Variants in GLP2R observed in about 807,000 individuals in gnomAD.
GLP2R encodes glucagon-like peptide 2 receptor.
Under a neutral mutation model 68.2 loss-of-function variants are expected in GLP2R, and 59 were observed. That is an observed-to-expected ratio of 0.87 (90% CI 0.70 to 1.07). GLP2R has a LOEUF of 1.07. Among genes scored for constraint, GLP2R ranks in the 50% least tolerant of loss-of-function variants. The pLI, the probability that GLP2R is intolerant of heterozygous loss-of-function variation, is 0.00. For synonymous variants in GLP2R, 270 were observed against 265.4 expected, an observed-to-expected ratio of 1.02 and a Z score of -0.17; for missense variants, 548 against 677.4, an observed-to-expected ratio of 0.81 and a Z score of 2.12.
intron 10 of GLP2R, 83 bp downstream of exon 10, chr17:9,870,918 A>C (rs371983154): frequency 1.3e-6 from 1 of 749,800 alleles, no homozygotes; most frequent in Non-Finnish European, 2.4e-6. Context: ...TGGGAAGGAC[A>C]TTTATCTCCT....
At position 9,889,832 on chromosome 17, in the gene GLP2R, T is replaced by A; in HGVS notation, c.*127T>A. 1 of 643,274 alleles carries A rather than the reference T, an allele frequency of 1.6e-6. No individual in the cohort carries two copies. Among genetic ancestry groups the A allele is most frequent in the Non-Finnish European group, 2.7e-6 (1 of 370,452 alleles). The allele number at this position is 643,274 out of a possible 1,614,324, so 39.8% of individuals were successfully genotyped here. A position where few individuals can be genotyped will look rare whatever the true frequency, so the allele number is the denominator to read the frequency against. ...CGTTCCATTCACCATGCCACTTTGA[T>A]ATGAAAGCTATCACAAGGTTCTTCA... is the stretch of plus-strand genomic sequence containing the variant. On this transcript the variant is annotated 3_prime_UTR_variant, in exon 13 of 13. Coordinates refer to ENST00000262441, the MANE Select transcript of GLP2R (RefSeq NM_004246.3).
At chr17:9,829,848 TG>T (rs2066664702) in intron 1 of GLP2R, among the ~76,000 whole-genome samples, 1 of 152,248 alleles carries the variant, frequency 6.6e-6, no homozygotes. Context: ...TACAGTGAAG[TG>T]TATTCCTTCT....
chr17:9,866,563 C>G (rs927153612), intron 9 of GLP2R: 3 of 152,418 alleles, frequency 2.0e-5, no homozygotes, highest in African/African-American at 7.2e-5. Flanking sequence ...CCAGCCCAGA[C>G]TTACCCAGAC....
In GLP2R at chr17:9,842,574, G is replaced by A. The variant is rs1312503364; in HGVS notation, c.462G>A (p.Gln154=). The change falls in exon 4 of 13, where the codon CAG becomes CAA. Residue 154 remains glutamine, a synonymous_variant. Transcript: ENST00000262441. ...TAGAGAACGCCACGGATATTTGGCA[G>A]GATGACTCCGAATGCTCCGAGAACC... ...QTIENATDIW[Q]DDSECSENHS... 6.2e-7 allele frequency: 1 copy of A among 1,614,106 alleles called. No individual in the cohort carries two copies. Among genetic ancestry groups the A allele is most frequent in the Non-Finnish European group, 8.5e-7 (1 of 1,180,036 alleles).
At chr17:9,859,119 T>G (rs2066960513) in intron 6 of GLP2R, among the ~76,000 whole-genome samples, 1 of 152,184 alleles carries the variant, frequency 6.6e-6, no homozygotes, top group South Asian at 2.1e-4. Context: ...TTTTATTATA[T>G]AAGGTTTGGT....
intron 11 of GLP2R, among the ~76,000 whole-genome samples, chr17:9,881,947 A>G (rs2067200045): frequency 6.6e-6 from 1 of 152,094 alleles, no homozygotes; most frequent in African/African-American, 2.4e-5. Flanking sequence ...CTGAGATGAT[A>G]AAGAGAGGAT....
chr17:9,828,757 C>T (rs1380060204), intron 1 of GLP2R, among the ~76,000 whole-genome samples: 13 of 152,100 alleles, frequency 8.5e-5, no homozygotes, highest in Non-Finnish European at 1.8e-4. Flanking sequence ...GTTACAACAG[C>T]GGAATCTGCA....
rs372099240 is a variant in GLP2R, at chr17:9,871,721, C to CTTTTT, written c.1145+904_1145+908dup. On this transcript the variant is annotated intron_variant, in intron 10 of 12. Transcript: ENST00000262441. ...TTCCTAGTTATTCTTTACTTTCTTT[C>CTTTTT]TTTTTTTTTTTTTTTTTTTTTTGAC... 7.3e-3 allele frequency among the ~76,000 whole-genome samples: 746 copies of CTTTTT among 102,204 alleles called. 2 individuals are homozygous for CTTTTT. Among genetic ancestry groups the CTTTTT allele is most frequent in the Non-Finnish European group, 0.011 (613 of 53,688 alleles). 67.0% of individuals were successfully genotyped at this position (102,204 alleles called of 152,430 possible).
intron 4 of GLP2R, among the ~76,000 whole-genome samples, chr17:9,847,713 A>G (rs2066854016): frequency 6.6e-6 from 1 of 152,154 alleles, no homozygotes; most frequent in South Asian, 2.1e-4. Flanking sequence ...CCCCAGGTTC[A>G]TGTCCATTAG....
chr17:9,851,153 A>G (rs1249196482), intron 4 of GLP2R, among the ~76,000 whole-genome samples: 1 of 152,244 alleles, frequency 6.6e-6, no homozygotes, highest in Non-Finnish European at 1.5e-5. Context: ...TTTAAAAATC[A>G]TAATTTAGAA....
chr17:9,868,981 C>G (rs1158485), intron 9 of GLP2R, among the ~76,000 whole-genome samples: 37,768 of 152,128 alleles, frequency 0.25, 7,261 homozygotes, highest in African/African-American at 0.52. Flanking sequence ...ATTACATTTA[C>G]CTTGTATTTA....
At chr17:9,857,956 G>A (rs980803161) in intron 6 of GLP2R, among the ~76,000 whole-genome samples, 14 of 152,338 alleles carry the variant, frequency 9.2e-5, no homozygotes, top group East Asian at 1.9e-4. Flanking sequence ...GGGTGATTGC[G>A]TCTGACCTGA....
intron 9 of GLP2R, 54 bp downstream of exon 9, chr17:9,862,144 TC>T (rs2066993224): frequency 5.4e-6 from 7 of 1,295,654 alleles, no homozygotes; most frequent in Non-Finnish European, 6.7e-6. Context: ...CTGTGGGGAA[TC>T]CCCCCGCCCC....
intron 9 of GLP2R, chr17:9,865,867 A>T: frequency 2.1e-6 from 1 of 471,212 alleles, no homozygotes; most frequent in Non-Finnish European, 4.4e-6. Flanking sequence ...CTTGAAGAGA[A>T]ATGGGAGCAT....
At chr17:9,888,028 A>C (rs758567398) in intron 12 of GLP2R, 55 bp downstream of exon 12, 5 of 1,224,150 alleles carry the variant, frequency 4.1e-6, no homozygotes, top group Non-Finnish European at 6.1e-6. Context: ...CTGCAACCCT[A>C]CCCACCTCTG....
At chr17:9,829,355 T>C (rs542172510) in intron 1 of GLP2R, among the ~76,000 whole-genome samples, 46 of 150,994 alleles carry the variant, frequency 3.0e-4, no homozygotes, top group African/African-American at 1.1e-3. Context: ...GGGTAGACAG[T>C]TTGGCAGTCA....
At chr17:9,871,886 G>T (rs1217933898) in intron 10 of GLP2R, among the ~76,000 whole-genome samples, 1 of 151,944 alleles carries the variant, frequency 6.6e-6, no homozygotes, top group African/African-American at 2.4e-5. Context: ...CACCACGTCC[G>T]GCTAATTTTT....
chr17:9,833,271 AAAAGAAAGAAAG>A (rs534704361), intron 1 of GLP2R, among the ~76,000 whole-genome samples: 31 of 151,886 alleles, frequency 2.0e-4, no homozygotes, highest in African/African-American at 7.2e-4. Context: ...TTAAAAAAAA[AAAAGAAAGAAAG>A]AAAGAAAGAA....
chr17:9,844,848 G>T (rs575055384), intron 4 of GLP2R, among the ~76,000 whole-genome samples: 2 of 150,128 alleles, frequency 1.3e-5, no homozygotes, highest in Non-Finnish European at 3.0e-5. Flanking sequence ...GTGCCACCAC[G>T]CCCGTCTAAT....
Sources: allele counts gnomAD v4.1 joint callset (sites outside exome capture counted in the v4.1 genomes callset), GRCh38; gene constraint gnomAD v4.1.1; transcripts MANE v1.5; gene names NCBI Gene and HGNC (gene_info 2026-07-23, HGNC 2026-07-21).